Variants in CDS2 observed in about 807,000 individuals in gnomAD.
CDS2 encodes the protein CDP-diacylglycerol synthase 2, also known as phosphatidate cytidylyltransferase 2.
CDS2 carries 47 observed loss-of-function variants against 59.0 expected under a neutral mutation model. That is an observed-to-expected ratio of 0.80 (90% confidence interval 0.63 to 1.02). The LOEUF is 1.02. CDS2 is among the 50% of genes least tolerant of loss of function. CDS2 has a pLI of 0.00. For synonymous variants in CDS2, 207 were observed against 206.4 expected, an observed-to-expected ratio of 1.00 and a Z score of -0.02; for missense variants, 356 against 558.9, an observed-to-expected ratio of 0.64 and a Z score of 3.66.
intron 1 of CDS2, among the ~76,000 whole-genome samples, chr20:5,170,083 T>G (rs1473196586): frequency 6.6e-6 from 1 of 152,082 alleles, no homozygotes; most frequent in Non-Finnish European, 1.5e-5. Flanking sequence ...GCATTGGTCA[T>G]CCCAACAACC....
Position 5,137,891 on chromosome 20 carries a change from C to T in CDS2, c.57+10742C>T, listed in dbSNP as rs139941677. On this transcript the variant is annotated intron_variant, in intron 1 of 12. Coordinates refer to ENST00000460006, the MANE Select transcript of CDS2 (RefSeq NM_003818.4). ...TCGGCTCACTCCAAGCTCCGACTCC[C>T]GGGTTCACGACATTCTCCTGCCTCA... Among the ~76,000 whole-genome samples the T allele has an allele frequency of 9.0e-3, 1,358 of 151,724 alleles. 19 individuals are homozygous for T. Among genetic ancestry groups the T allele is most frequent in the African/African-American group, 0.031 (1,278 of 41,442 alleles).
chr20:5,184,294 G>T lies in CDS2; in HGVS notation c.672-564G>T, dbSNP rs2091051540. Among the ~76,000 whole-genome samples, 1 of 152,210 alleles carries T rather than the reference G, an allele frequency of 6.6e-6. No individual in the cohort carries two copies. The highest frequency in any genetic ancestry group is 2.4e-5 in the African/African-American group (1 of 41,450). ...TTTCATAGTGAGGATGACTGGATCA[G>T]CAGGGGAGTGGGCAGAGGGGAAATC... On this transcript the variant is annotated intron_variant, in intron 7 of 12. Transcript: ENST00000460006. This position sits in a 1 kb window ranked among gnomAD's most constrained non-coding sequence, Gnocchi z 4.3.
chr20:5,184,952 G>A lies in CDS2; in HGVS notation c.759+7G>A. ...TCGGACCCCACTCATCAAGGTAAAT[G>A]GATTACCCTAATGTGAAATACCACT... On this transcript the variant is annotated splice_region_variant and intron_variant, in intron 8 of 12. Transcript: ENST00000460006. The surrounding 1 kb of genome is among the most constrained non-coding windows in gnomAD (Gnocchi z 4.3). 1.3e-6 allele frequency: 2 copies of A among 1,597,648 alleles called. No homozygotes were observed. The highest frequency in any genetic ancestry group is 1.1e-5 in the South Asian group (1 of 90,670).
chr20:5,152,926 A>T (rs2090804150), intron 1 of CDS2, among the ~76,000 whole-genome samples: 1 of 152,198 alleles, frequency 6.6e-6, no homozygotes, highest in Admixed American at 6.5e-5. Context: ...TTTAGTATGC[A>T]TTTGTACCAC....
chr20:5,188,708 G>A (rs573950679), intron 10 of CDS2, among the ~76,000 whole-genome samples: 1 of 152,318 alleles, frequency 6.6e-6, no homozygotes, highest in South Asian at 2.1e-4. Flanking sequence ...GAGAAGTGTG[G>A]CATTGGCTGC....
chr20:5,131,136 C>T (rs1343817083), intron 1 of CDS2, among the ~76,000 whole-genome samples: 1 of 150,970 alleles, frequency 6.6e-6, no homozygotes, highest in Non-Finnish European at 1.5e-5. Flanking sequence ...TTGAAAGATT[C>T]CTCAAAATGT....
rs1361600226 is a variant in CDS2, at chr20:5,185,800, T to A, written c.802T>A (p.Phe268Ile). The change falls in exon 9 of 13, where the codon TTT becomes ATT. Residue 268 changes from phenylalanine (F) to isoleucine (I), a missense_variant. By Grantham distance (21) the Phe-to-Ile change is conservative. This residue lies in a region of CDS2 where 88 missense variants were observed against 103.6 expected (regional missense o/e 0.85). Coordinates refer to ENST00000460006, the MANE Select transcript of CDS2 (RefSeq NM_003818.4). Reference protein sequence around the residue: ...KTWEGFIGGFFATVVFGLLLS... With the variant: ...KTWEGFIGGFIATVVFGLLLS... ...CTGGGAAGGCTTCATTGGGGGCTTC[T>A]TTGCTACTGTGGTGTTTGGCCTTCT... 1 of 1,614,246 alleles carries A rather than the reference T, an allele frequency of 6.2e-7. No homozygotes were observed. Among genetic ancestry groups the A allele is most frequent in the Non-Finnish European group, 8.5e-7 (1 of 1,180,024 alleles).
At chr20:5,129,033 C>CA (rs2090580203) in intron 1 of CDS2, among the ~76,000 whole-genome samples, 2 of 152,178 alleles carry the variant, frequency 1.3e-5, no homozygotes, top group African/African-American at 4.8e-5. Flanking sequence ...GTCTTACTTT[C>CA]ACATCCTGTA....
At position 5,186,857 on chromosome 20, in the gene CDS2, G is replaced by A. The variant is rs766714710; in HGVS notation, c.981+18G>A. Reference sequence around the variant, plus strand: ...TTGGCTGGGTATGTGCCACTCACAGGGGGTGAGCGGCCTCCATGGACAGTG... The same window carrying A: ...TTGGCTGGGTATGTGCCACTCACAGAGGGTGAGCGGCCTCCATGGACAGTG... On this transcript the variant is annotated intron_variant, in intron 10 of 12. Transcript: ENST00000460006. 3 of 1,613,464 alleles carry A rather than the reference G, an allele frequency of 1.9e-6. No individual in the cohort carries two copies. Among genetic ancestry groups the A allele is most frequent in the East Asian group, 2.2e-5 (1 of 44,868 alleles).
chr20:5,176,850 A>C, intron 4 of CDS2, 105 bp downstream of exon 4: 3 of 797,674 alleles, frequency 3.8e-6, no homozygotes, highest in East Asian at 4.9e-5. Flanking sequence ...ATAGAGATAA[A>C]TGCTGGAGAG....
intron 1 of CDS2, among the ~76,000 whole-genome samples, chr20:5,144,858 G>A (rs1046214904): frequency 6.6e-6 from 1 of 152,096 alleles, no homozygotes; most frequent in African/African-American, 2.4e-5. Context: ...CCTCTGGCTT[G>A]CAGAACATAA....
At chr20:5,140,188 G>A (rs1348768613) in intron 1 of CDS2, among the ~76,000 whole-genome samples, 2 of 152,088 alleles carry the variant, frequency 1.3e-5, no homozygotes, top group Non-Finnish European at 2.9e-5. Flanking sequence ...TTCATTTTGT[G>A]GCTGTATCTC....
intron 1 of CDS2, among the ~76,000 whole-genome samples, chr20:5,134,801 A>G (rs1353010662): frequency 1.3e-5 from 2 of 152,352 alleles, no homozygotes; most frequent in East Asian, 3.9e-4. Context: ...GATTACAGGC[A>G]TGAGCCACCG....
Position 5,192,362 on chromosome 20 carries a change from G to C in CDS2, c.*2128G>C, listed in dbSNP as rs6133193. 0.25 allele frequency: 30,550 copies of C among 124,310 alleles called. 4,509 individuals are homozygous for C. The highest frequency in any genetic ancestry group is 0.57 in the East Asian group (2,744 of 4,810). The allele number at this position is 124,310 out of a possible 1,614,324, so 7.7% of individuals were successfully genotyped here. Reference sequence around the variant, plus strand: ...ACTTGGTGGGGGTGGGGTGGGGAAGGGGGGTCTAGGAAGCCGAAGCTGAGT... The same window carrying C: ...ACTTGGTGGGGGTGGGGTGGGGAAGCGGGGTCTAGGAAGCCGAAGCTGAGT... On this transcript the variant is annotated 3_prime_UTR_variant, in exon 13 of 13. Coordinates refer to ENST00000460006, the MANE Select transcript of CDS2 (RefSeq NM_003818.4).
In CDS2 at chr20:5,173,119, C is replaced by T. The variant is rs60979736; in HGVS notation, c.58-404C>T. ...TTAACAGGTCTACAGGGGCAACAGC[C>T]TCACCACCTGGCTTCCCCTGAGAGA... On this transcript the variant is annotated intron_variant, in intron 1 of 12. Transcript: ENST00000460006. Among the ~76,000 whole-genome samples the T allele has an allele frequency of 6.2e-3, 937 of 152,354 alleles. 15 individuals are homozygous for T. Among genetic ancestry groups the T allele is most frequent in the African/African-American group, 0.021 (888 of 41,586 alleles).
Position 5,133,123 on chromosome 20 carries a change from C to T in CDS2, c.57+5974C>T, listed in dbSNP as rs528652658. Among the ~76,000 whole-genome samples, 122 of 151,816 alleles carry T rather than the reference C, an allele frequency of 8.0e-4. 1 individual carries two copies. The highest frequency in any genetic ancestry group is 2.3e-3 in the South Asian group (11 of 4,798). ...CCGGGAGGCGGAGCTTGCAGTGAGC[C>T]GAGATCCCACCACTGCACTCCAGCC... On this transcript the variant is annotated intron_variant, in intron 1 of 12. Coordinates refer to ENST00000460006, the MANE Select transcript of CDS2 (RefSeq NM_003818.4).
chr20:5,166,895 G>T (rs2090917085), intron 1 of CDS2, among the ~76,000 whole-genome samples: 1 of 152,216 alleles, frequency 6.6e-6, no homozygotes, highest in South Asian at 2.1e-4. Flanking sequence ...CTTCCCAGAG[G>T]TTTACCCATG....
intron 1 of CDS2, among the ~76,000 whole-genome samples, chr20:5,137,912 C>T (rs1398444887): frequency 6.6e-6 from 1 of 151,708 alleles, no homozygotes; most frequent in Non-Finnish European, 1.5e-5. Context: ...CATTCTCCTG[C>T]CTCAGCCTCC....
intron 1 of CDS2, among the ~76,000 whole-genome samples, chr20:5,132,855 A>G (rs543432966): frequency 9.2e-5 from 14 of 152,246 alleles, no homozygotes; most frequent in Non-Finnish European, 1.8e-4. Flanking sequence ...GTGTTTGCCC[A>G]GGTTAACATG....
Sources: allele counts gnomAD v4.1 joint callset (sites outside exome capture counted in the v4.1 genomes callset), GRCh38; gene constraint gnomAD v4.1.1; regional missense constraint gnomAD v4.1.1; non-coding constraint Gnocchi (gnomAD v3.1); transcripts MANE v1.5; gene names NCBI Gene and HGNC (gene_info 2026-07-23, HGNC 2026-07-21).